The following RARRES1 variants were observed in gnomAD, a reference collection of about 807,000 sequenced individuals.
The protein encoded by RARRES1 is retinoic acid receptor responder 1.
RARRES1 carries 34 observed loss-of-function variants against 30.6 expected under a neutral mutation model. That is an observed-to-expected ratio of 1.11 (90% CI 0.84 to 1.48). RARRES1 has a LOEUF of 1.48. Among genes scored for constraint, RARRES1 ranks in the 40% most tolerant of loss-of-function variants. The pLI, the probability that RARRES1 is intolerant of heterozygous loss-of-function variation, is 0.00. For synonymous variants in RARRES1, 153 were observed against 155.5 expected (o/e 0.98, Z 0.12); for missense variants, 373 against 386.5 (o/e 0.97, Z 0.29).
intron 1 of RARRES1, among the ~76,000 whole-genome samples, chr3:158,724,828 CT>C (rs371008452): frequency 2.4e-3 from 345 of 144,366 alleles, no homozygotes; most frequent in Middle Eastern, 3.7e-3. Context: ...GACTCCCTTT[CT>C]TTTTTTTTTT....
intron 3 of RARRES1, among the ~76,000 whole-genome samples, chr3:158,709,360 A>T (rs1386848459): frequency 6.6e-6 from 1 of 152,228 alleles, no homozygotes; most frequent in African/African-American, 2.4e-5. Flanking sequence ...ACTAAAGGAA[A>T]ACAATTCCTA....
chr3:158,701,178 G>A (rs905921002), intron 4 of RARRES1, among the ~76,000 whole-genome samples: 4 of 152,028 alleles, frequency 2.6e-5, no homozygotes, highest in South Asian at 4.1e-4. Flanking sequence ...TCAGCTTGAC[G>A]TTTCTCAATT....
At chr3:158,707,248 T>TGGTC (rs1237574294) in intron 3 of RARRES1, among the ~76,000 whole-genome samples, 3 of 152,124 alleles carry the variant, frequency 2.0e-5, no homozygotes, top group African/African-American at 4.8e-5. Flanking sequence ...GTGATCTGGG[T>TGGTC]GGTCCCTTTA....
At chr3:158,699,463 C>T (rs996145106) in intron 4 of RARRES1, among the ~76,000 whole-genome samples, 11 of 144,570 alleles carry the variant, frequency 7.6e-5, no homozygotes, top group African/African-American at 2.8e-4. Flanking sequence ...AGTTTAGACT[C>T]CCCTTTGCCT....
intron 1 of RARRES1, among the ~76,000 whole-genome samples, chr3:158,728,210 T>TTA (rs59553050): frequency 0.19 from 28,096 of 144,924 alleles, 2,704 homozygotes; most frequent in Non-Finnish European, 0.23. Context: ...CTATTTCGTT[T>TTA]AAAAAAAAAA....
intron 3 of RARRES1, among the ~76,000 whole-genome samples, chr3:158,709,300 A>G (rs765369466): frequency 5.9e-5 from 9 of 152,182 alleles, no homozygotes; most frequent in African/African-American, 9.7e-5. Flanking sequence ...GATCCAATAC[A>G]ATTTCTAAAA....
At chr3:158,722,086 C>CACAAAAA (rs1727532145) in intron 1 of RARRES1, among the ~76,000 whole-genome samples, 1 of 68,746 alleles carries the variant, frequency 1.5e-5, no homozygotes, top group African/African-American at 5.1e-5. Flanking sequence ...GAATGAAACT[C>CACAAAAA]AAAAAAAAAA....
rs1727930056 is a variant in RARRES1, at chr3:158,732,259, C to T, written c.157G>A (p.Gly53Arg). The T allele has an allele frequency of 1.5e-6, 2 of 1,373,438 alleles. No individual in the cohort carries two copies. The highest frequency in any genetic ancestry group is 1.9e-6 in the Non-Finnish European group (2 of 1,073,614). The allele number at this position is 1,373,438 out of a possible 1,614,324, so 85.1% of individuals were successfully genotyped here. ...TGCTGCAGGAGCCTGCGCGGGACCCCAGCATCCTGAGGCTGCCCAGGGTCG... is the reference window on the plus strand; with the variant it reads ...TGCTGCAGGAGCCTGCGCGGGACCCTAGCATCCTGAGGCTGCCCAGGGTCG... ...PDDPGQPQDAGVPRRLLQQAA... is the reference protein window; with the variant it reads ...PDDPGQPQDARVPRRLLQQAA... The change falls in exon 1 of 6, where the codon GGG (glycine) becomes AGG (arginine). Residue 53 changes from glycine (G) to arginine (R), a missense_variant. Physicochemically the swap from Gly to Arg is moderately radical, Grantham distance 125. Transcript: ENST00000237696.
At chr3:158,707,352 A>AGGGGGTGAT (rs1277681491) in intron 3 of RARRES1, among the ~76,000 whole-genome samples, 1 of 152,114 alleles carries the variant, frequency 6.6e-6, no homozygotes. Flanking sequence ...AAGGAAAAAG[A>AGGGGGTGAT]GGGGGTGATG....
At chr3:158,701,829 C>T (rs1726731616) in intron 4 of RARRES1, among the ~76,000 whole-genome samples, 1 of 152,104 alleles carries the variant, frequency 6.6e-6, no homozygotes, top group Non-Finnish European at 1.5e-5. Context: ...CCTAATTGCT[C>T]CAGGGATTTA....
chr3:158,720,273 T>TGTGTGTGTGTGTGA (rs1160861397), intron 1 of RARRES1, among the ~76,000 whole-genome samples: 11 of 144,450 alleles, frequency 7.6e-5, no homozygotes, highest in African/African-American at 2.3e-4. Context: ...TGTATGTGTG[T>TGTGTGTGTGTGTGA]GAGAGAGAGA....
At chr3:158,716,836 G>A (rs1440522019) in intron 1 of RARRES1, among the ~76,000 whole-genome samples, 1 of 152,100 alleles carries the variant, frequency 6.6e-6, no homozygotes, top group Non-Finnish European at 1.5e-5. Context: ...CGCCTGCCTC[G>A]GCCTCCCAAA....
chr3:158,699,385 G>A (rs13323588), intron 4 of RARRES1, among the ~76,000 whole-genome samples: 4,746 of 150,924 alleles, frequency 0.031, 229 homozygotes, highest in African/African-American at 0.11. Context: ...TTGTATTTTC[G>A]TTACATTACC....
chr3:158,732,242 G>T lies in RARRES1; in HGVS notation c.174C>A (p.Leu58=), dbSNP rs770086208. 2.9e-6 allele frequency: 4 copies of T among 1,386,522 alleles called. No homozygotes were observed. The South Asian group carries it at 5.0e-5, about 17-fold the overall frequency. 85.9% of individuals were successfully genotyped at this position (1,386,522 alleles called of 1,614,324 possible). A position where few individuals can be genotyped will look rare whatever the true frequency, so the allele number is the denominator to read the frequency against. ...QPQDAGVPRR[L]LQQAARAALH... is the part of the protein sequence containing the mutation. ...GCGCCGCGCGCGCCGCCTGCTGCAG[G>T]AGCCTGCGCGGGACCCCAGCATCCT... The change falls in exon 1 of 6, where the codon CTC becomes CTA. Residue 58 remains leucine, a synonymous_variant. Coordinates refer to ENST00000237696, the MANE Select transcript of RARRES1 (RefSeq NM_206963.2).
intron 1 of RARRES1, among the ~76,000 whole-genome samples, chr3:158,722,570 T>C (rs1457713092): frequency 6.6e-6 from 1 of 152,140 alleles, no homozygotes; most frequent in African/African-American, 2.4e-5. Context: ...TTATGTATTC[T>C]AAGAGCACAT....
chr3:158,715,963 G>A (rs1022126450), intron 1 of RARRES1, among the ~76,000 whole-genome samples: 3 of 152,162 alleles, frequency 2.0e-5, no homozygotes, highest in South Asian at 2.1e-4. Context: ...CTCAGAAGGC[G>A]ACACTTCAGC....
Position 158,697,922 on chromosome 3 carries a change from C to A in RARRES1, c.721G>T (p.Glu241Ter). 1 of 1,554,738 alleles carries A rather than the reference C, an allele frequency of 6.4e-7. No homozygotes were observed. The highest frequency in any genetic ancestry group is 1.1e-5 in the South Asian group (1 of 89,246). Residue 241 changes from glutamate (E) to a stop codon, truncating the protein, a stop_gained, in exon 5 of 6, where the codon GAA (glutamate) becomes TAA (stop). Transcript: ENST00000237696. LOFTEE classifies it high-confidence loss of function. ...IDFDYTVLLHELSTQEIIPCR... is the reference protein window; with the variant it reads ...IDFDYTVLLH ...TTATGTTTTACCTGTGTTGATAATTCATGAAGTAGAACAGTATAATCAAAA... is the reference window on the plus strand; with the variant it reads ...TTATGTTTTACCTGTGTTGATAATTAATGAAGTAGAACAGTATAATCAAAA...
intron 1 of RARRES1, among the ~76,000 whole-genome samples, chr3:158,717,970 A>G (rs925373750): frequency 5.6e-5 from 8 of 143,670 alleles, no homozygotes; most frequent in Non-Finnish European, 9.0e-5. Context: ...AATACATTTT[A>G]TATTAAGACA....
Position 158,726,707 on chromosome 3 carries a change from C to A in RARRES1, c.276+5433G>T, listed in dbSNP as rs566530036. On this transcript the variant is annotated intron_variant, in intron 1 of 5. Transcript: ENST00000237696. Reference sequence around the variant, plus strand: ...AAAGCAGAGGGTTGTTCAGCATATTCTTTGAGAGCTCATTCCACCATAAGT... The same window carrying A: ...AAAGCAGAGGGTTGTTCAGCATATTATTTGAGAGCTCATTCCACCATAAGT... Among the ~76,000 whole-genome samples the A allele has an allele frequency of 4.2e-4, 64 of 152,324 alleles. No homozygotes were observed. In the South Asian group the frequency reaches 9.3e-3, roughly 22 times the overall value.
Sources: allele counts gnomAD v4.1 joint callset (sites outside exome capture counted in the v4.1 genomes callset), GRCh38; gene constraint gnomAD v4.1.1; transcripts MANE v1.5; gene names NCBI Gene and HGNC (gene_info 2026-07-23, HGNC 2026-07-21).